Variants in MED12L observed in about 807,000 individuals in gnomAD.
The protein encoded by MED12L is mediator of RNA polymerase II transcription subunit 12-like protein.
MED12L carries 60 observed loss-of-function variants against 281.3 expected under a neutral mutation model. The ratio of observed to expected loss-of-function variants is 0.21; its 90% CI spans 0.17 to 0.26. MED12L has a LOEUF of 0.26. Ranked by LOEUF, MED12L falls within the 10% of genes least tolerant of loss-of-function variation. MED12L has a pLI of 1.00. For synonymous variants in MED12L, 974 were observed against 987.2 expected (o/e 0.99, Z 0.25); for missense variants, 2,146 against 2,680.9 (o/e 0.80, Z 4.41).
intron 5 of MED12L, among the ~76,000 whole-genome samples, chr3:151,134,389 C>T (rs1162212201): frequency 1.3e-5 from 2 of 152,126 alleles, no homozygotes; most frequent in South Asian, 2.1e-4. Flanking sequence ...ATTCTCATTT[C>T]GTGGATGAGG....
chr3:151,356,080 A>AATCCACC (rs779990805), intron 19 of MED12L, 41 bp downstream of exon 19: 31 of 1,587,746 alleles, frequency 2.0e-5, no homozygotes, highest in Non-Finnish European at 2.7e-5. Flanking sequence ...TAGGAAAGCA[A>AATCCACC]ATCCACCAGG....
At chr3:151,154,674 A>T (rs1719032314) in intron 5 of MED12L, among the ~76,000 whole-genome samples, 1 of 152,106 alleles carries the variant, frequency 6.6e-6, no homozygotes, top group African/African-American at 2.4e-5. Context: ...AAAAGTTAGG[A>T]TTTGGATCCT....
Position 151,330,992 on chromosome 3 carries a change from A to G in MED12L, c.2251-19067A>G, listed in dbSNP as rs191942479. ...CATAATCTAAAGGAAGATCTGGAAT[A>G]GTTTTTCTTTAAGCAAGATAAATTC... On this transcript the variant is annotated intron_variant, in intron 16 of 44. Transcript: ENST00000687756. Among the ~76,000 whole-genome samples the G allele has an allele frequency of 3.9e-5, 6 of 152,356 alleles. No homozygotes were observed. In the East Asian group the frequency reaches 1.2e-3, roughly 29 times the overall value.
chr3:151,151,233 T>C (rs1040364508), intron 5 of MED12L, among the ~76,000 whole-genome samples: 2 of 151,642 alleles, frequency 1.3e-5, no homozygotes, highest in African/African-American at 4.8e-5. Flanking sequence ...GAGACGGTGT[T>C]TCACCGTGTT....
At chr3:151,264,508 C>G (rs567578875) in intron 16 of MED12L, among the ~76,000 whole-genome samples, 1 of 152,206 alleles carries the variant, frequency 6.6e-6, no homozygotes, top group African/African-American at 2.4e-5. Context: ...TTGTGTAAAG[C>G]GCACATCTCT....
chr3:151,219,413 C>T (rs1728881213), intron 16 of MED12L: 1 of 152,172 alleles, frequency 6.6e-6, no homozygotes, highest in Non-Finnish European at 1.5e-5. Flanking sequence ...TGTATTAGAA[C>T]ACCTTCCACC....
At chr3:151,198,342 G>GTTTTTTTTTT (rs11431846) in intron 16 of MED12L, 4 of 693,846 alleles carry the variant, frequency 5.8e-6, no homozygotes, top group African/African-American at 3.8e-5. Flanking sequence ...GTTTTTTTTT[G>GTTTTTTTTTT]TTTTTTTTTT....
chr3:151,286,159 G>C (rs1743478937), intron 16 of MED12L, among the ~76,000 whole-genome samples: 1 of 152,108 alleles, frequency 6.6e-6, no homozygotes, highest in African/African-American at 2.4e-5. Context: ...AGTACTCTGT[G>C]CCCTCACATG....
chr3:151,329,521 G>A (rs775853815), intron 16 of MED12L: 158 of 1,546,514 alleles, frequency 1.0e-4, no homozygotes, highest in Non-Finnish European at 1.4e-4. Context: ...TCTTATGGCG[G>A]CAGTCATTAG....
chr3:151,323,504 G>A (rs534492062), intron 16 of MED12L, among the ~76,000 whole-genome samples: 5 of 152,068 alleles, frequency 3.3e-5, no homozygotes, highest in Admixed American at 3.3e-4. Flanking sequence ...CAACCCTCAC[G>A]CTCCAACCAC....
intron 16 of MED12L, among the ~76,000 whole-genome samples, chr3:151,205,169 CAAGTGTTTGTG>C (rs1726171263): frequency 6.6e-6 from 1 of 152,140 alleles, no homozygotes; most frequent in Non-Finnish European, 1.5e-5. Context: ...TCACTGAGGA[CAAGTGTTTGTG>C]ACTGTACTTA....
chr3:151,168,127 G>A (rs1720952648), intron 11 of MED12L, among the ~76,000 whole-genome samples: 1 of 152,118 alleles, frequency 6.6e-6, no homozygotes, highest in South Asian at 2.1e-4. Context: ...AAATTCAAGG[G>A]CAGAAATTAT....
chr3:151,146,278 C>T (rs909301025), intron 5 of MED12L, among the ~76,000 whole-genome samples: 20 of 152,296 alleles, frequency 1.3e-4, no homozygotes, highest in Admixed American at 9.8e-4. Flanking sequence ...CTCCCTCTGC[C>T]TTCCTGCCAT....
intron 5 of MED12L, among the ~76,000 whole-genome samples, chr3:151,152,644 AAGTGACTCATCCTTAC>A (rs1202856223): frequency 6.6e-6 from 1 of 152,148 alleles, no homozygotes; most frequent in Non-Finnish European, 1.5e-5. Context: ...GCTTCATGCT[AAGTGACTCATCCTTAC>A]AGTGACTCTG....
At chr3:151,120,990 A>C (rs1230297381) in intron 3 of MED12L, among the ~76,000 whole-genome samples, 1 of 152,182 alleles carries the variant, frequency 6.6e-6, no homozygotes, top group Non-Finnish European at 1.5e-5. Context: ...ATATAGGAGA[A>C]TATAATTATA....
At chr3:151,140,572 C>T (rs1346854728) in intron 5 of MED12L, among the ~76,000 whole-genome samples, 1 of 152,178 alleles carries the variant, frequency 6.6e-6, no homozygotes, top group African/African-American at 2.4e-5. Context: ...TACCCTCTTC[C>T]AAGTTAGAAT....
intron 43 of MED12L, 124 bp downstream of exon 43, chr3:151,416,546 G>C (rs935295922): frequency 2.8e-5 from 26 of 913,042 alleles, no homozygotes; most frequent in Non-Finnish European, 4.2e-5. Flanking sequence ...ATTTTTCCTA[G>C]AACTTTACTA....
chr3:151,436,645 A>G lies in MED12L; in HGVS notation c.*3841A>G. On this transcript the variant is annotated 3_prime_UTR_variant, in exon 45 of 45. Coordinates refer to ENST00000687756, the MANE Select transcript of MED12L (RefSeq NM_001393769.1). The stretch of plus-strand genomic sequence containing the variant: ...GCTGCCTTTGATTAAACTTCTTCCA[A>G]AAAATAAATTCTGCCCAGATGTTGT... The G allele has an allele frequency of 7.0e-7, 1 of 1,422,888 alleles. No homozygotes were observed. Among genetic ancestry groups the G allele is most frequent in the Non-Finnish European group, 9.6e-7 (1 of 1,045,664 alleles). The allele number at this position is 1,422,888 out of a possible 1,614,324, so 88.1% of individuals were successfully genotyped here.
chr3:151,214,151 A>C (rs749797306), intron 16 of MED12L: 4 of 1,614,152 alleles, frequency 2.5e-6, no homozygotes, highest in Non-Finnish European at 2.5e-6. Context: ...TAGATGATGA[A>C]ACTCTTAGAG....
Sources: gnomAD v4.1 joint callset for allele counts (sites outside exome capture counted in the v4.1 genomes callset) on GRCh38, gnomAD v4.1.1 for gene constraint, MANE v1.5 for transcripts, NCBI Gene and HGNC (gene_info 2026-07-23, HGNC 2026-07-21) for gene names.